The following PCDHGB1 variants were observed in gnomAD, a reference collection of about 807,000 sequenced individuals.
PCDHGB1 encodes protocadherin gamma subfamily B, 1.
In PCDHGB1, 34 loss-of-function variants were observed where a neutral mutation model predicts 56.6. The observed-to-expected ratio is 0.60, with a 90% CI of 0.46 to 0.80. The LOEUF is 0.80. PCDHGB1 is among the 30% of genes least tolerant of loss of function. The pLI, the probability that PCDHGB1 is intolerant of heterozygous loss-of-function variation, is 0.00. For missense variants in PCDHGB1, 1,278 were observed against 1,204.6 expected (o/e 1.06, Z -0.90); for synonymous variants, 561 against 505.9 (o/e 1.11, Z -1.46).
In PCDHGB1 at chr5:141,491,721, C is replaced by T. The variant is rs761584159; in HGVS notation, c.2410-3086C>T. On this transcript the variant is annotated intron_variant, in intron 1 of 3. Transcript: ENST00000523390. The surrounding 1 kb of genome is among the most constrained non-coding windows in gnomAD (Gnocchi z 6.9). The stretch of plus-strand genomic sequence containing the variant: ...GCCAGGTGAGGGGCTCGGCGCCGCC[C>T]CGGGCGACCCCTGGGGGCGGCACTG... 3 of 1,607,250 alleles carry T rather than the reference C, an allele frequency of 1.9e-6. No homozygotes were observed. Among genetic ancestry groups the T allele is most frequent in the Admixed American group, 1.7e-5 (1 of 58,860 alleles).
intron 1 of PCDHGB1, among the ~76,000 whole-genome samples, chr5:141,473,431 G>C (rs541546681): frequency 6.6e-6 from 1 of 152,148 alleles, no homozygotes; most frequent in South Asian, 2.1e-4. Context: ...CAGATACTTT[G>C]CTTATGCAAA....
chr5:141,402,901 T>TG, intron 1 of PCDHGB1: 1 of 1,520,230 alleles, frequency 6.6e-7, no homozygotes, highest in Non-Finnish European at 8.8e-7. Context: ...AAGAACCTGA[T>TG]GAAGCAGCGC....
In PCDHGB1 at chr5:141,477,088, C is replaced by G. The variant is rs1008530221; in HGVS notation, c.2410-17719C>G. On this transcript the variant is annotated intron_variant, in intron 1 of 3. Transcript: ENST00000523390. This position sits in a 1 kb window ranked among gnomAD's most constrained non-coding sequence, Gnocchi z 4.9. ...AACTCCATGAGATTTACATCCAGGC[C>G]AAAGACAAGGGCGCCAATCCCGAAG... The G allele has an allele frequency of 1.2e-6, 2 of 1,614,112 alleles. No individual in the cohort carries two copies. The highest frequency in any genetic ancestry group is 1.6e-4 in the Middle Eastern group (1 of 6,084).
At position 141,491,753 on chromosome 5, in the gene PCDHGB1, C is replaced by T. The variant is rs373728953; in HGVS notation, c.2410-3054C>T. On this transcript the variant is annotated intron_variant, in intron 1 of 3. Coordinates refer to ENST00000523390, the MANE Select transcript of PCDHGB1 (RefSeq NM_018922.3). The surrounding 1 kb of genome is among the most constrained non-coding windows in gnomAD (Gnocchi z 6.9). ...ACCCCTGGGGGCGGCACTGGAGAAGCCGCCCGTCCTCATAAGGGATTGAAC... is the reference window on the plus strand; with the variant it reads ...ACCCCTGGGGGCGGCACTGGAGAAGTCGCCCGTCCTCATAAGGGATTGAAC... 4 of 1,585,146 alleles carry T rather than the reference C, an allele frequency of 2.5e-6. No homozygotes were observed. Among genetic ancestry groups the T allele is most frequent in the East Asian group, 2.3e-5 (1 of 43,412 alleles).
chr5:141,386,433 T>C (rs1214742071), intron 1 of PCDHGB1, among the ~76,000 whole-genome samples: 1 of 152,144 alleles, frequency 6.6e-6, no homozygotes, highest in African/African-American at 2.4e-5. Context: ...CCCACCTGCA[T>C]GGGAGGCTGA....
intron 1 of PCDHGB1, among the ~76,000 whole-genome samples, chr5:141,437,064 G>T (rs1380953110): frequency 6.6e-6 from 1 of 152,170 alleles, no homozygotes; most frequent in Non-Finnish European, 1.5e-5. Flanking sequence ...ATCATTATTT[G>T]GTTTGGGCCA....
At chr5:141,405,130 G>A in intron 1 of PCDHGB1, 1 of 1,614,012 alleles carries the variant, frequency 6.2e-7, no homozygotes, top group South Asian at 1.1e-5. Flanking sequence ...ATCTGCTGCG[G>A]GCTACCAGTG....
chr5:141,384,184 A>C (rs1179495803), intron 1 of PCDHGB1: 2 of 1,613,640 alleles, frequency 1.2e-6, no homozygotes, highest in Non-Finnish European at 1.7e-6. Flanking sequence ...AGATGGTGGA[A>C]CTCCTCCCTT....
At chr5:141,472,066 T>C (rs1440684719) in intron 1 of PCDHGB1, among the ~76,000 whole-genome samples, 1 of 152,140 alleles carries the variant, frequency 6.6e-6, no homozygotes, top group African/African-American at 2.4e-5. Flanking sequence ...GACATGTCTG[T>C]GGTTATATCA....
At position 141,512,114 on chromosome 5, in the gene PCDHGB1, C is replaced by T. The variant is rs2099884080; in HGVS notation, c.*941C>T. ...TAACTAGGCTGGACCCTTCCCACTA[C>T]ATAATAGGGCTCAGCCCAGGCAGCC... On this transcript the variant is annotated 3_prime_UTR_variant, in exon 4 of 4. Coordinates refer to ENST00000523390, the MANE Select transcript of PCDHGB1 (RefSeq NM_018922.3). 2 of 152,696 alleles carry T rather than the reference C, an allele frequency of 1.3e-5. No homozygotes were observed. Among genetic ancestry groups the T allele is most frequent in the African/African-American group, 4.8e-5 (2 of 41,468 alleles). 9.5% of individuals were successfully genotyped at this position (152,696 alleles called of 1,614,324 possible).
chr5:141,469,747 C>T (rs1392088794), intron 1 of PCDHGB1, among the ~76,000 whole-genome samples: 1 of 152,134 alleles, frequency 6.6e-6, no homozygotes, highest in Non-Finnish European at 1.5e-5. Context: ...TCAAAAATTA[C>T]AAAAATACAT....
At chr5:141,475,090 A>G (rs991061660) in intron 1 of PCDHGB1, among the ~76,000 whole-genome samples, 1 of 152,264 alleles carries the variant, frequency 6.6e-6, no homozygotes, top group African/African-American at 2.4e-5. Flanking sequence ...CAATAATTTT[A>G]TAAAGATCCT....
chr5:141,478,155 G>A (rs138384601), intron 1 of PCDHGB1: 1 of 1,613,992 alleles, frequency 6.2e-7, no homozygotes, highest in Non-Finnish European at 8.5e-7. Context: ...TTCCCCTCTG[G>A]CTCTGCCCCC....
Position 141,389,109 on chromosome 5 carries a change from G to A in PCDHGB1, c.2409+36440G>A, listed in dbSNP as rs144915863. On this transcript the variant is annotated intron_variant, in intron 1 of 3. Transcript: ENST00000523390. ...TAAATTAGTGACAGATGCTGTTCTA[G>A]ACCGCGAGCAGAATCCAGAGTACAA... 616 of 1,614,020 alleles carry A rather than the reference G, an allele frequency of 3.8e-4. 2 individuals are homozygous for A. The highest frequency in any genetic ancestry group is 1.2e-3 in the Middle Eastern group (7 of 6,062).
At chr5:141,352,967 G>T (rs767244188) in intron 1 of PCDHGB1, among the ~76,000 whole-genome samples, 1 of 152,168 alleles carries the variant, frequency 6.6e-6, no homozygotes, top group Non-Finnish European at 1.5e-5. Context: ...CAGCCTGGGT[G>T]ATGGGAGGGA....
intron 1 of PCDHGB1, chr5:141,417,977 G>A (rs752463782): frequency 6.2e-7 from 1 of 1,613,872 alleles, no homozygotes; most frequent in Admixed American, 1.7e-5. Flanking sequence ...GATTCCGGAG[G>A]AGCTGGCCAA....
At chr5:141,372,991 G>T (rs758452366) in intron 1 of PCDHGB1, among the ~76,000 whole-genome samples, 6 of 152,158 alleles carry the variant, frequency 3.9e-5, no homozygotes, top group Admixed American at 2.0e-4. Context: ...TGTTGCAGTT[G>T]TTCTTTCATA....
intron 2 of PCDHGB1, among the ~76,000 whole-genome samples, chr5:141,497,390 C>T (rs2099776143): frequency 6.6e-6 from 1 of 152,158 alleles, no homozygotes; most frequent in Non-Finnish European, 1.5e-5. Context: ...GAGCACCTTA[C>T]CCCTGCCTCA....
At chr5:141,390,538 C>A in intron 1 of PCDHGB1, 1 of 518,310 alleles carries the variant, frequency 1.9e-6, no homozygotes, top group African/African-American at 1.9e-5. Flanking sequence ...GTTTTAACCA[C>A]AAAGTGAAAG....
Sources: gnomAD v4.1 joint callset for allele counts (sites outside exome capture counted in the v4.1 genomes callset) on GRCh38, gnomAD v4.1.1 for gene constraint, Gnocchi (gnomAD v3.1) non-coding constraint, MANE v1.5 for transcripts, NCBI Gene and HGNC (gene_info 2026-07-23, HGNC 2026-07-21) for gene names.